Variants in CDC42BPA observed in about 807,000 individuals in gnomAD.
CDC42BPA encodes the protein serine/threonine-protein kinase MRCK alpha.
In CDC42BPA, 80 loss-of-function variants were observed where a neutral mutation model predicts 223.5. That is an observed-to-expected ratio of 0.36 (90% CI 0.30 to 0.43). The LOEUF (loss-of-function observed/expected upper bound fraction) is 0.43. Ranked by LOEUF, CDC42BPA falls within the 20% of genes least tolerant of loss-of-function variation. The pLI, the probability that CDC42BPA is intolerant of heterozygous loss-of-function variation, is 1.00. For synonymous variants in CDC42BPA, 694 were observed against 718.6 expected, an observed-to-expected ratio of 0.97 and a Z score of 0.55; for missense variants, 1,743 against 2,099.9, an observed-to-expected ratio of 0.83 and a Z score of 3.32.
chr1:227,134,439 G>C (rs144277995), intron 10 of CDC42BPA, among the ~76,000 whole-genome samples: 6 of 152,050 alleles, frequency 3.9e-5, no homozygotes, highest in African/African-American at 1.2e-4. Context: ...TACTCTTTTC[G>C]TCTCCATACT....
intron 16 of CDC42BPA, among the ~76,000 whole-genome samples, chr1:227,086,587 C>G (rs1341297015): frequency 6.6e-6 from 1 of 151,706 alleles, no homozygotes; most frequent in Non-Finnish European, 1.5e-5. Context: ...TTTTCATGTG[C>G]TTATTTGTTA....
chr1:227,214,171 G>A (rs1243051138), intron 2 of CDC42BPA, among the ~76,000 whole-genome samples: 11 of 151,552 alleles, frequency 7.3e-5, no homozygotes, highest in East Asian at 3.9e-4. Flanking sequence ...GCTGTTCAAC[G>A]GGATATTTCC....
intron 1 of CDC42BPA, among the ~76,000 whole-genome samples, chr1:227,301,241 C>T (rs1691568641): frequency 1.3e-5 from 2 of 152,214 alleles, no homozygotes; most frequent in South Asian, 4.1e-4. Context: ...AATTCTAACA[C>T]AAATTTCCCA....
intron 23 of CDC42BPA, among the ~76,000 whole-genome samples, chr1:227,040,774 A>C (rs1411460541): frequency 6.6e-6 from 1 of 152,220 alleles, no homozygotes; most frequent in African/African-American, 2.4e-5. Context: ...TGAGCAGATA[A>C]GAATACACAA....
At chr1:227,276,298 C>CGTCTGGGAGGTGAGGAGCGT (rs1269732480) in intron 1 of CDC42BPA, among the ~76,000 whole-genome samples, 4 of 150,626 alleles carry the variant, frequency 2.7e-5, no homozygotes, top group Middle Eastern at 3.5e-3. Context: ...ACTGCCAACC[C>CGTCTGGGAGGTGAGGAGCGT]GTCTGGGAGG....
intron 6 of CDC42BPA, among the ~76,000 whole-genome samples, chr1:227,155,317 T>TA (rs1438029010): frequency 6.6e-6 from 1 of 152,104 alleles, no homozygotes; most frequent in Non-Finnish European, 1.5e-5. Context: ...AAGAGGAAAA[T>TA]AGTTTCAAAT....
At chr1:227,163,841 G>T (rs1664557141) in intron 5 of CDC42BPA, among the ~76,000 whole-genome samples, 1 of 151,752 alleles carries the variant, frequency 6.6e-6, no homozygotes, top group African/African-American at 2.4e-5. Context: ...TTTCTCTTGT[G>T]TAAGTTTTAA....
At chr1:227,301,695 T>G (rs1691662255) in intron 1 of CDC42BPA, among the ~76,000 whole-genome samples, 1 of 152,152 alleles carries the variant, frequency 6.6e-6, no homozygotes, top group South Asian at 2.1e-4. Context: ...ACTACAGCTG[T>G]TTTTAAAATT....
chr1:227,069,968 T>G (rs1419375995), intron 20 of CDC42BPA, 115 bp from the exon 21 acceptor site: 1 of 611,392 alleles, frequency 1.6e-6, no homozygotes, highest in Non-Finnish European at 2.9e-6. Flanking sequence ...TATTTCAAAG[T>G]TGATCACTAT....
intron 3 of CDC42BPA, among the ~76,000 whole-genome samples, chr1:227,205,876 C>T (rs969024386): frequency 6.6e-6 from 1 of 151,980 alleles, no homozygotes; most frequent in Admixed American, 6.6e-5. Context: ...TAGTGAGACC[C>T]CATCTCTAAA....
At chr1:227,224,246 T>C (rs1676452768) in intron 2 of CDC42BPA, among the ~76,000 whole-genome samples, 1 of 152,094 alleles carries the variant, frequency 6.6e-6, no homozygotes, top group African/African-American at 2.4e-5. Context: ...TTTTTTTTTT[T>C]TTTTGAGATG....
intron 34 of CDC42BPA, among the ~76,000 whole-genome samples, chr1:227,008,945 A>G (rs1165358382): frequency 6.6e-6 from 1 of 152,238 alleles, no homozygotes; most frequent in Non-Finnish European, 1.5e-5. Context: ...CATATACAAG[A>G]GCAACCCTGT....
Position 227,051,908 on chromosome 1 carries a change from G to A in CDC42BPA, c.2982C>T (p.Ser994=), listed in dbSNP as rs1673596601. 7.3e-7 allele frequency: 1 copy of A among 1,366,258 alleles called. No homozygotes were observed. Among genetic ancestry groups the A allele is most frequent in the African/African-American group, 1.5e-5 (1 of 67,870 alleles). The allele number at this position is 1,366,258 out of a possible 1,614,324, so 84.6% of individuals were successfully genotyped here. The change falls in exon 22 of 37, where the codon TCC becomes TCT. Residue 994 remains serine (S), a synonymous_variant. Transcript: ENST00000366766. ...FHIQSRSTSP[S]TSSEAEPVKT... is the part of the protein sequence containing the mutation. ...TAACTGGCTCAGCTTCACTAGATGT[G>A]GAAGGAGATGTGGACCGTGACTGGA...
At chr1:227,062,695 T>C (rs1572566834) in intron 21 of CDC42BPA, among the ~76,000 whole-genome samples, 1 of 152,170 alleles carries the variant, frequency 6.6e-6, no homozygotes, top group South Asian at 2.1e-4. Flanking sequence ...CCACATTGCA[T>C]AGTGTGTAAC....
intron 34 of CDC42BPA, among the ~76,000 whole-genome samples, chr1:227,006,948 C>CTCA (rs1379546685): frequency 9.9e-6 from 1 of 101,334 alleles, no homozygotes; most frequent in African/African-American, 3.4e-5. Flanking sequence ...GAGACTCCGT[C>CTCA]TCAACAACAA....
At chr1:227,177,160 T>C (rs1035881419) in intron 5 of CDC42BPA, among the ~76,000 whole-genome samples, 9 of 151,784 alleles carry the variant, frequency 5.9e-5, no homozygotes, top group Admixed American at 3.3e-4. Flanking sequence ...CAGTATTTCA[T>C]ATACACTGAG....
intron 5 of CDC42BPA, among the ~76,000 whole-genome samples, chr1:227,164,350 T>C (rs1286579843): frequency 6.6e-6 from 1 of 152,230 alleles, no homozygotes; most frequent in African/African-American, 2.4e-5. Context: ...TAGATTAATC[T>C]GAAGAGAACT....
At chr1:227,256,466 C>T (rs1157407424) in intron 1 of CDC42BPA, among the ~76,000 whole-genome samples, 1 of 151,844 alleles carries the variant, frequency 6.6e-6, no homozygotes, top group East Asian at 1.9e-4. Flanking sequence ...GCACATGTAT[C>T]CCAGAACTTA....
chr1:227,295,069 TA>T (rs1558978410), intron 1 of CDC42BPA, among the ~76,000 whole-genome samples: 1 of 152,028 alleles, frequency 6.6e-6, no homozygotes, highest in African/African-American at 2.4e-5. Context: ...TTCTGCTTTT[TA>T]AAAAAATGTT....
Sources: gnomAD v4.1 joint callset for allele counts (sites outside exome capture counted in the v4.1 genomes callset) on GRCh38, gnomAD v4.1.1 for gene constraint, MANE v1.5 for transcripts, NCBI Gene and HGNC (gene_info 2026-07-23, HGNC 2026-07-21) for gene names.